The following GRIK2 variants were observed in gnomAD, a reference collection of about 807,000 sequenced individuals.
GRIK2 encodes glutamate ionotropic receptor kainate type subunit 2.
In GRIK2, 32 loss-of-function variants were observed where a neutral mutation model predicts 100.3. That is an observed-to-expected ratio of 0.32 (90% CI 0.24 to 0.43). The LOEUF is 0.43. Among genes scored for constraint, GRIK2 ranks in the 20% least tolerant of loss-of-function variants. The probability of loss-of-function intolerance (pLI) is 1.00; values close to 1 mark genes in which losing one functional copy is unlikely to be tolerated. For synonymous variants in GRIK2, 417 were observed against 389.4 expected (o/e 1.07, Z -0.83); for missense variants, 843 against 1,114.9 (o/e 0.76, Z 3.47).
chr6:101,515,600 T>C (rs1272656554), intron 2 of GRIK2, among the ~76,000 whole-genome samples: 1 of 152,162 alleles, frequency 6.6e-6, no homozygotes, highest in Non-Finnish European at 1.5e-5. Flanking sequence ...TTTTTGATTA[T>C]GGCCATTCTT....
intron 2 of GRIK2, among the ~76,000 whole-genome samples, chr6:101,404,819 A>T (rs1406622356): frequency 6.6e-6 from 1 of 152,202 alleles, no homozygotes; most frequent in Non-Finnish European, 1.5e-5. Context: ...AAATCTTAGC[A>T]TGAAAAGTGA....
intron 14 of GRIK2, among the ~76,000 whole-genome samples, chr6:101,971,427 G>C (rs1793045023): frequency 6.6e-6 from 1 of 152,004 alleles, no homozygotes; most frequent in Non-Finnish European, 1.5e-5. Context: ...GGTACTCCCA[G>C]TGGGAGATGA....
In GRIK2 at chr6:101,482,869, G is replaced by A. The variant is rs141269229; in HGVS notation, c.115+83477G>A. ...TTCTCTGGGAAAGCCAAACTGCCCA[G>A]TGTGGATCCCCATCTTTTGCAACCC... is the stretch of plus-strand genomic sequence containing the variant. On this transcript the variant is annotated intron_variant, in intron 2 of 16. Transcript: ENST00000369134. Among the ~76,000 whole-genome samples the A allele has an allele frequency of 2.4e-4, 36 of 152,218 alleles. No individual in the cohort carries two copies. The East Asian group carries it at 6.6e-3, about 28-fold the overall frequency.
In GRIK2 at chr6:101,928,451, T is replaced by C. The variant is rs1790054502; in HGVS notation, c.1904T>C (p.Ile635Thr). ...ELMPKALSTR[I>T]VGGIWWFFTL... ...ATGCCCAAAGCACTGTCCACCAGGA[T>C]AGTGGGAGGCATTTGGTGGTTTTTC... Residue 635 changes from isoleucine (I) to threonine (T), a missense_variant, in exon 14 of 17, where the codon ATA (isoleucine) becomes ACA (threonine). Around this residue, in one of 3 missense-constraint regions of GRIK2, gnomAD observed 237 missense variants for 388.0 expected, o/e 0.61. Coordinates refer to ENST00000369134, the MANE Select transcript of GRIK2 (RefSeq NM_021956.5). 6.2e-7 allele frequency: 1 copy of C among 1,603,830 alleles called. No homozygotes were observed. Among genetic ancestry groups the C allele is most frequent in the Non-Finnish European group, 8.5e-7 (1 of 1,170,722 alleles).
chr6:101,618,855 T>A (rs1409493054), intron 2 of GRIK2, among the ~76,000 whole-genome samples: 2 of 151,468 alleles, frequency 1.3e-5, no homozygotes, highest in Non-Finnish European at 3.0e-5. Context: ...TTTATCTTTT[T>A]CCTGACCTTA....
chr6:101,963,511 T>TTC (rs1177309337), intron 14 of GRIK2, among the ~76,000 whole-genome samples: 3 of 135,818 alleles, frequency 2.2e-5, no homozygotes, highest in African/African-American at 8.5e-5. Flanking sequence ...CTTTCTTTCT[T>TTC]TTTTTTTTTT....
At chr6:101,751,850 C>G (rs1776808650) in intron 7 of GRIK2, among the ~76,000 whole-genome samples, 1 of 152,094 alleles carries the variant, frequency 6.6e-6, no homozygotes, top group Non-Finnish European at 1.5e-5. Context: ...TGTCTTCTTC[C>G]CTCAGAAGGT....
chr6:101,770,231 A>G (rs1447857938), intron 7 of GRIK2, among the ~76,000 whole-genome samples: 2 of 152,070 alleles, frequency 1.3e-5, no homozygotes, highest in Non-Finnish European at 1.5e-5. Flanking sequence ...TTTTAAAAAC[A>G]TTTCTAACAT....
chr6:101,905,625 G>T (rs1788166333), intron 12 of GRIK2, among the ~76,000 whole-genome samples: 1 of 151,230 alleles, frequency 6.6e-6, no homozygotes, highest in Non-Finnish European at 1.5e-5. Flanking sequence ...AAACATTAAT[G>T]CACTTGTTTT....
At position 101,813,227 on chromosome 6, in the gene GRIK2, G is replaced by GA. The variant is rs549718273; in HGVS notation, c.1204-5137dup. 4.1e-3 allele frequency among the ~76,000 whole-genome samples: 618 copies of GA among 152,002 alleles called. 4 individuals are homozygous for GA. Among genetic ancestry groups the GA allele is most frequent in the African/African-American group, 0.014 (586 of 41,498 alleles). On this transcript the variant is annotated intron_variant, in intron 9 of 16. Coordinates refer to ENST00000369134, the MANE Select transcript of GRIK2 (RefSeq NM_021956.5). ...AAATGATAATACTGAAGACTTTCAA[G>GA]AAAAAATATTCACCAATAGCAAAAT... is the stretch of plus-strand genomic sequence containing the variant.
Position 102,038,064 on chromosome 6 carries a change from G to A in GRIK2, c.2311+2498G>A, listed in dbSNP as rs116175239. 6.6e-3 allele frequency among the ~76,000 whole-genome samples: 1,005 copies of A among 151,380 alleles called. 18 individuals carry two copies. The highest frequency in any genetic ancestry group is 0.023 in the African/African-American group (965 of 41,416). ...TTGGACAAGTAACTTGAAATTTATG[G>A]CCTCTAATTTTTTAAACTAGTAAAA... On this transcript the variant is annotated intron_variant, in intron 15 of 16. Transcript: ENST00000369134.
chr6:102,056,947 GGTT>G (rs2114509355), intron 16 of GRIK2, among the ~76,000 whole-genome samples: 1 of 151,998 alleles, frequency 6.6e-6, no homozygotes, highest in East Asian at 1.9e-4. Flanking sequence ...AACACATTCA[GGTT>G]GTTATTTATG....
chr6:101,513,128 C>T (rs1030731273), intron 2 of GRIK2, among the ~76,000 whole-genome samples: 1 of 152,008 alleles, frequency 6.6e-6, no homozygotes, highest in African/African-American at 2.4e-5. Flanking sequence ...TGGGGTGCAG[C>T]TTGGTTTTAT....
At chr6:101,975,205 C>T (rs1297916916) in intron 14 of GRIK2, among the ~76,000 whole-genome samples, 1 of 151,656 alleles carries the variant, frequency 6.6e-6, no homozygotes, top group Non-Finnish European at 1.5e-5. Flanking sequence ...GAGCCCTCCA[C>T]ACAGAGATAT....
intron 2 of GRIK2, among the ~76,000 whole-genome samples, chr6:101,566,484 TA>T (rs984570029): frequency 5.3e-4 from 79 of 148,370 alleles, no homozygotes; most frequent in African/African-American, 2.0e-3. Flanking sequence ...AATTTCTAAA[TA>T]TTTAAAAAAG....
chr6:101,716,134 T>C (rs1384649276), intron 7 of GRIK2, among the ~76,000 whole-genome samples: 3 of 151,822 alleles, frequency 2.0e-5, no homozygotes, highest in South Asian at 2.1e-4. Context: ...CATAAAATAC[T>C]GTGGAAATTA....
intron 14 of GRIK2, among the ~76,000 whole-genome samples, chr6:101,958,620 GT>G (rs1792096309): frequency 6.6e-6 from 1 of 151,898 alleles, no homozygotes; most frequent in Non-Finnish European, 1.5e-5. Flanking sequence ...TAAAGAGAAT[GT>G]TTTCAACTTT....
intron 14 of GRIK2, among the ~76,000 whole-genome samples, chr6:101,937,361 G>A (rs1452122838): frequency 6.6e-6 from 1 of 152,076 alleles, no homozygotes; most frequent in Non-Finnish European, 1.5e-5. Flanking sequence ...TAGGAGAGAG[G>A]GCCCCACAGG....
At chr6:101,920,029 G>A (rs1268140398) in intron 12 of GRIK2, among the ~76,000 whole-genome samples, 2 of 151,790 alleles carry the variant, frequency 1.3e-5, no homozygotes, top group African/African-American at 4.8e-5. Context: ...TTGAGGAGAT[G>A]CAAAGATAAA....
Sources: allele counts gnomAD v4.1 joint callset (sites outside exome capture counted in the v4.1 genomes callset), GRCh38; gene constraint gnomAD v4.1.1; regional missense constraint gnomAD v4.1.1; transcripts MANE v1.5; gene names NCBI Gene and HGNC (gene_info 2026-07-23, HGNC 2026-07-21).